The following NIBAN1 variants were observed in gnomAD, a reference collection of about 807,000 sequenced individuals.
The protein encoded by NIBAN1 is protein Niban 1.
NIBAN1 carries 81 observed loss-of-function variants against 75.1 expected under a neutral mutation model. The ratio of observed to expected loss-of-function variants is 1.08; its 90% confidence interval spans 0.90 to 1.30. The LOEUF (loss-of-function observed/expected upper bound fraction) is 1.30, where lower values mean the gene tolerates loss of function less well. NIBAN1 is among the 50% of genes most tolerant of loss of function. The pLI is 0.00. For synonymous variants in NIBAN1, 436 were observed against 424.8 expected (o/e 1.03, Z -0.32); for missense variants, 1,133 against 1,128.1 (o/e 1.00, Z -0.06).
intron 2 of NIBAN1, among the ~76,000 whole-genome samples, chr1:184,894,770 G>A (rs1337784694): frequency 2.0e-5 from 3 of 152,164 alleles, no homozygotes; most frequent in Admixed American, 2.0e-4. Flanking sequence ...AGAACAAGCA[G>A]GTATCAAGCC....
intron 9 of NIBAN1, among the ~76,000 whole-genome samples, chr1:184,811,564 C>A (rs771716304): frequency 7.6e-6 from 1 of 131,716 alleles, no homozygotes; most frequent in East Asian, 2.2e-4. Context: ...AGAGTGCAGG[C>A]GCGATCTTGG....
chr1:184,896,188 G>C (rs1433022311), intron 2 of NIBAN1, among the ~76,000 whole-genome samples: 2 of 152,094 alleles, frequency 1.3e-5, no homozygotes, highest in Non-Finnish European at 2.9e-5. Flanking sequence ...CAGTGTATGA[G>C]CATTTCCTTT....
intron 9 of NIBAN1, among the ~76,000 whole-genome samples, chr1:184,811,983 C>A (rs972777835): frequency 1.3e-5 from 2 of 152,050 alleles, no homozygotes; most frequent in African/African-American, 4.8e-5. Context: ...TCCTCCCTCC[C>A]GGAAAAGGGA....
chr1:184,795,742 T>C lies in NIBAN1; in HGVS notation c.2022A>G (p.Ala674=). Residue 674 remains alanine (A), a synonymous_variant, in exon 14 of 14, where the codon GCA becomes GCG. Transcript: ENST00000367511. ...CTGATGAGCATGTGCCCGGGAGTCCTGCTGTGTCCTCTGTTGCCACAGGAT... is the reference window on the plus strand; with the variant it reads ...CTGATGAGCATGTGCCCGGGAGTCCCGCTGTGTCCTCTGTTGCCACAGGAT... ...VVNPVATEDT[A]GLPGTCSSEL... 1 of 1,612,498 alleles carries C rather than the reference T, an allele frequency of 6.2e-7. No homozygotes were observed. Among genetic ancestry groups the C allele is most frequent in the South Asian group, 1.1e-5 (1 of 90,850 alleles).
intron 1 of NIBAN1, among the ~76,000 whole-genome samples, chr1:184,904,239 C>T (rs1252634167): frequency 6.6e-6 from 1 of 151,834 alleles, no homozygotes; most frequent in Non-Finnish European, 1.5e-5. Flanking sequence ...CCATGTTGCC[C>T]AGGCTGGTTT....
At chr1:184,961,477 A>G (rs532159852) in intron 1 of NIBAN1, among the ~76,000 whole-genome samples, 1 of 152,198 alleles carries the variant, frequency 6.6e-6, no homozygotes, top group African/African-American at 2.4e-5. Flanking sequence ...TCCTTGCCCA[A>G]TTGCCACCAT....
At chr1:184,898,683 A>T (rs1423720661) in intron 2 of NIBAN1, among the ~76,000 whole-genome samples, 2 of 152,186 alleles carry the variant, frequency 1.3e-5, no homozygotes, top group Non-Finnish European at 2.9e-5. Context: ...CCTGATATTA[A>T]TTTGTTTATT....
At chr1:184,921,878 C>T (rs1657563132) in intron 1 of NIBAN1, among the ~76,000 whole-genome samples, 1 of 152,178 alleles carries the variant, frequency 6.6e-6, no homozygotes, top group Non-Finnish European at 1.5e-5. Context: ...GTAGGCTCAA[C>T]TTTAAAGAAG....
chr1:184,804,819 A>G (rs1654147454), intron 11 of NIBAN1, among the ~76,000 whole-genome samples: 1 of 146,718 alleles, frequency 6.8e-6, no homozygotes, highest in Non-Finnish European at 1.5e-5. Context: ...ATAGAGTCTC[A>G]CTCTGCCACC....
intron 6 of NIBAN1, among the ~76,000 whole-genome samples, chr1:184,825,999 A>G (rs982841910): frequency 1.3e-5 from 2 of 152,220 alleles, no homozygotes; most frequent in Admixed American, 1.3e-4. Context: ...TCACTAGTGG[A>G]AATGCCCGTG....
At chr1:184,923,607 A>T (rs1196158751) in intron 1 of NIBAN1, among the ~76,000 whole-genome samples, 1 of 152,092 alleles carries the variant, frequency 6.6e-6, no homozygotes, top group Non-Finnish European at 1.5e-5. Flanking sequence ...GAAGAATGTC[A>T]TTGGTATTTT....
chr1:184,947,029 C>T (rs555607156), intron 1 of NIBAN1, among the ~76,000 whole-genome samples: 17 of 149,054 alleles, frequency 1.1e-4, no homozygotes, highest in South Asian at 4.2e-4. Flanking sequence ...GCCAAGACCG[C>T]GCCATTGCAC....
intron 1 of NIBAN1, among the ~76,000 whole-genome samples, chr1:184,957,702 A>G (rs199583953): frequency 1.3e-5 from 2 of 152,204 alleles, no homozygotes; most frequent in Admixed American, 1.3e-4. Context: ...CTCACTGGGC[A>G]TTACTACTGT....
At chr1:184,823,401 G>A (rs575263820) in intron 7 of NIBAN1, 72 bp from the exon 8 acceptor site, 3 of 1,562,668 alleles carry the variant, frequency 1.9e-6, no homozygotes, top group East Asian at 2.2e-5. Context: ...GTGGAGGGAG[G>A]AGCCTTCATC....
chr1:184,828,049 A>G (rs1458410786), intron 6 of NIBAN1, among the ~76,000 whole-genome samples: 1 of 151,584 alleles, frequency 6.6e-6, no homozygotes, highest in African/African-American at 2.4e-5. Flanking sequence ...AGCAAATAAT[A>G]AATATATCAC....
chr1:184,840,852 C>T (rs1655267497), intron 5 of NIBAN1, among the ~76,000 whole-genome samples: 1 of 151,628 alleles, frequency 6.6e-6, no homozygotes, highest in African/African-American at 2.4e-5. Context: ...TTAAAACCAC[C>T]CAAATCATGG....
chr1:184,807,140 C>T (rs1423541528), intron 10 of NIBAN1, among the ~76,000 whole-genome samples: 1 of 152,014 alleles, frequency 6.6e-6, no homozygotes, highest in Non-Finnish European at 1.5e-5. Context: ...ACTCAAGCTC[C>T]CTGAAGTGGG....
rs534080863 is a variant in NIBAN1 at position 184,796,710 on chromosome 1, G to A, written c.1667-613C>T. ...GCCTCCTACTTATGGCTGTGCAGGG[G>A]CTGTAGTGCCCAAAAATATCACATC... On this transcript the variant is annotated intron_variant, in intron 13 of 13. Transcript: ENST00000367511. Among the ~76,000 whole-genome samples the A allele has an allele frequency of 2.6e-5, 4 of 152,322 alleles. No homozygotes were observed. The South Asian group carries it at 8.3e-4, about 32-fold the overall frequency.
At chr1:184,934,529 C>T (rs1657905580) in intron 1 of NIBAN1, among the ~76,000 whole-genome samples, 1 of 151,972 alleles carries the variant, frequency 6.6e-6, no homozygotes, top group Non-Finnish European at 1.5e-5. Context: ...TTTGGGAGGC[C>T]AAGGTAGGAG....
Sources: allele counts gnomAD v4.1 joint callset (sites outside exome capture counted in the v4.1 genomes callset), GRCh38; gene constraint gnomAD v4.1.1; transcripts MANE v1.5; gene names NCBI Gene and HGNC (gene_info 2026-07-23, HGNC 2026-07-21).